CIBAR2: variants seen among roughly 807,000 people sequenced by gnomAD.
CIBAR2 encodes the protein CBY1-interacting BAR domain-containing protein 2.
In CIBAR2, 38 loss-of-function variants were observed where a neutral mutation model predicts 36.2. That is an observed-to-expected ratio of 1.05 (90% CI 0.81 to 1.38). The LOEUF (loss-of-function observed/expected upper bound fraction) is 1.38, where lower values mean the gene tolerates loss of function less well. CIBAR2 is among the 40% of genes most tolerant of loss of function. The pLI is 0.00. For missense variants in CIBAR2, 481 were observed against 383.4 expected (o/e 1.25, Z -2.13); for synonymous variants, 182 against 149.5 (o/e 1.22, Z -1.58).
intron 7 of CIBAR2, among the ~76,000 whole-genome samples, chr16:85,101,063 G>A (rs2144153318): frequency 6.6e-6 from 1 of 151,764 alleles, no homozygotes; most frequent in East Asian, 1.9e-4. Flanking sequence ...AAAAAAAATG[G>A]TGACACTCCC....
rs376548850 is a variant in CIBAR2 at position 85,107,883 on chromosome 16, T to C, written c.389A>G (p.Lys130Arg). 326 of 1,614,016 alleles carry C rather than the reference T, an allele frequency of 2.0e-4. No homozygotes were observed. Among genetic ancestry groups the C allele is most frequent in the Non-Finnish European group, 2.6e-4 (312 of 1,179,990 alleles). The change falls in exon 4 of 9, where the codon AAA (lysine) becomes AGA (arginine). Residue 130 changes from lysine (K) to arginine (R), a missense_variant. By Grantham distance (26) the Lys-to-Arg change is conservative. Transcript: ENST00000539556. The part of the protein sequence containing the change: ...HEIKQLEKLE[K>R]LRQKSPSDQQ... Reference sequence around the variant, plus strand: ...ATCCGAGGGTGACTTCTGCCTCAGTTTCTCCAGTTTTTCCAGTTGTTTGAT... The same window carrying C: ...ATCCGAGGGTGACTTCTGCCTCAGTCTCTCCAGTTTTTCCAGTTGTTTGAT...
intron 1 of CIBAR2, among the ~76,000 whole-genome samples, chr16:85,110,828 C>T (rs561706760): frequency 6.9e-4 from 105 of 151,610 alleles, no homozygotes; most frequent in Non-Finnish European, 1.0e-4. Flanking sequence ...CCTCAGCCTC[C>T]TGAGTAGGTG....
chr16:85,103,825 C>T (rs2073973767), intron 6 of CIBAR2, among the ~76,000 whole-genome samples: 1 of 152,222 alleles, frequency 6.6e-6, no homozygotes, highest in African/African-American at 2.4e-5. Context: ...GTGGCACTGA[C>T]ATGCAGTGTG....
intron 1 of CIBAR2, among the ~76,000 whole-genome samples, chr16:85,111,025 C>T (rs575411624): frequency 1.3e-5 from 2 of 152,190 alleles, no homozygotes; most frequent in African/African-American, 4.8e-5. Context: ...TTTAAGGGCT[C>T]CCAATCCGGC....
chr16:85,100,484 C>T (rs2073947005), intron 7 of CIBAR2, among the ~76,000 whole-genome samples: 1 of 152,152 alleles, frequency 6.6e-6, no homozygotes, highest in African/African-American at 2.4e-5. Context: ...ACATGACCAT[C>T]GTCACACAGG....
intron 2 of CIBAR2, among the ~76,000 whole-genome samples, chr16:85,108,877 A>T (rs1415381196): frequency 6.6e-6 from 1 of 152,206 alleles, no homozygotes; most frequent in African/African-American, 2.4e-5. Flanking sequence ...TCCATCTCAG[A>T]AAACAAAAAA....
rs1299315062 is a variant in CIBAR2, at chr16:85,099,332, G to T, written c.768C>A (p.Val256=). The part of the protein sequence containing the change: ...QSLASQGTLQ[V]QLSRANEDPE... Reference sequence around the variant, plus strand: ...GGTCTTCATTTGCCCTACTCAGCTGGACCTGCAGAGTTCCCTGCAGAAATA... The same window carrying T: ...GGTCTTCATTTGCCCTACTCAGCTGTACCTGCAGAGTTCCCTGCAGAAATA... Residue 256 remains valine (V), a synonymous_variant, in exon 9 of 9, where the codon GTC becomes GTA. Transcript: ENST00000539556. The T allele has an allele frequency of 7.6e-6, 12 of 1,572,334 alleles. No homozygotes were observed. Among genetic ancestry groups the T allele is most frequent in the Non-Finnish European group, 1.1e-5 (12 of 1,142,064 alleles).
chr16:85,107,547 T>G, intron 5 of CIBAR2, 120 bp downstream of exon 5: 1 of 1,134,768 alleles, frequency 8.8e-7, no homozygotes. Context: ...TTTCCCAACC[T>G]GAGCGCAAGG....
chr16:85,107,923 C>T lies in CIBAR2; in HGVS notation c.349G>A (p.Val117Ile), dbSNP rs778547884. ...TRAEIKKFKH[V>I]QNHEIKQLEK... ...AGTTGTTTGATCTCATGATTTTGGA[C>T]ATGTTTGAATTTCTTGATCTCAGCC... Residue 117 changes from valine to isoleucine, a missense_variant, in exon 4 of 9, where the codon GTC (valine) becomes ATC (isoleucine). Val to Ile is a conservative substitution (Grantham distance 29). Coordinates refer to ENST00000539556, the MANE Select transcript of CIBAR2 (RefSeq NM_198491.3). 3 of 1,614,162 alleles carry T rather than the reference C, an allele frequency of 1.9e-6. No individual in the cohort carries two copies. The highest frequency in any genetic ancestry group is 3.3e-4 in the Middle Eastern group (2 of 6,062).
At position 85,112,349 on chromosome 16, in the gene CIBAR2, T is replaced by G. The variant is rs1282650024; in HGVS notation, c.4A>C (p.Asn2His). The G allele has an allele frequency of 1.2e-6, 2 of 1,613,876 alleles. No homozygotes were observed. Among genetic ancestry groups the G allele is most frequent in the Non-Finnish European group, 1.7e-6 (2 of 1,179,964 alleles). The change falls in exon 1 of 9, where the codon AAC (asparagine) becomes CAC (histidine). Residue 2 changes from asparagine (N) to histidine (H), a missense_variant. Coordinates refer to ENST00000539556, the MANE Select transcript of CIBAR2 (RefSeq NM_198491.3). Reference sequence around the variant, plus strand: ...CCCACTCACCTGGAGAAGACGATGTTCATTGTGACCAGAGCTTTGGCTGTC... The same window carrying G: ...CCCACTCACCTGGAGAAGACGATGTGCATTGTGACCAGAGCTTTGGCTGTC... MNIVFSRDSQVR... is the reference protein window; with the variant it reads MHIVFSRDSQVR...
In CIBAR2 at chr16:85,111,340, T is replaced by C. The variant is rs72807619; in HGVS notation, c.21-880A>G. ...AAGCAAGGTGCTGCTGGTATCACCA[T>C]GTGAAAATGCAGTGAACTGAGGCCC... On this transcript the variant is annotated intron_variant, in intron 1 of 8. Transcript: ENST00000539556. 3.3e-3 allele frequency among the ~76,000 whole-genome samples: 508 copies of C among 152,274 alleles called. 4 individuals carry two copies. The highest frequency in any genetic ancestry group is 5.4e-3 in the Non-Finnish European group (369 of 68,024).
At position 85,100,139 on chromosome 16, in the gene CIBAR2, C is replaced by T. The variant is rs777107768; in HGVS notation, c.753G>A (p.Gln251=). The T allele has an allele frequency of 1.2e-6, 2 of 1,608,838 alleles. No individual in the cohort carries two copies. The highest frequency in any genetic ancestry group is 3.4e-5 in the Admixed American group (2 of 59,040). Residue 251 remains glutamine (Q), a splice_region_variant and synonymous_variant, in exon 8 of 9, where the codon CAG becomes CAA. Transcript: ENST00000539556. ...ACCCCTCACCCACCCACACGCTCACCTGGCTGGCGAGAGACTGAAGAACAG... is the reference window on the plus strand; with the variant it reads ...ACCCCTCACCCACCCACACGCTCACTTGGCTGGCGAGAGACTGAAGAACAG... ...PPSVLQSLAS[Q]GTLQVQLSRA...
At chr16:85,099,816 T>C (rs1302189182) in intron 8 of CIBAR2, among the ~76,000 whole-genome samples, 1 of 148,706 alleles carries the variant, frequency 6.7e-6, no homozygotes, top group African/African-American at 2.5e-5. Context: ...TTTTTTTTTT[T>C]TTTTTAGTAG....
chr16:85,109,724 C>G (rs1023380384), intron 2 of CIBAR2, among the ~76,000 whole-genome samples: 2 of 152,170 alleles, frequency 1.3e-5, no homozygotes, highest in African/African-American at 4.8e-5. Flanking sequence ...ATCTTAAACT[C>G]CTGGGCTCAG....
chr16:85,105,417 C>T lies in CIBAR2; in HGVS notation c.447G>A (p.Val149=). The change falls in exon 6 of 9, where the codon GTG becomes GTA. Residue 149 remains valine, a synonymous_variant. Transcript: ENST00000539556. ...GGCTGGAGTCCACAGCGGCCCTCTG[C>T]ACTCTGGTCTCTGCCTGGCCCCAGG... ...QQMISQAETR[V]QRAAVDSSRT... is the part of the protein sequence containing the mutation. 6.2e-7 allele frequency: 1 copy of T among 1,613,600 alleles called. No individual in the cohort carries two copies. Among genetic ancestry groups the T allele is most frequent in the Non-Finnish European group, 8.5e-7 (1 of 1,179,766 alleles).
rs781573741 is a variant in CIBAR2, at chr16:85,112,319, G to A, written c.20+14C>T. ...CCACCTCCCTCACAGCCAGGCTGGC[G>A]CTGGCCCACTCACCTGGAGAAGACG... On this transcript the variant is annotated intron_variant, in intron 1 of 8. Coordinates refer to ENST00000539556, the MANE Select transcript of CIBAR2 (RefSeq NM_198491.3). 16 of 1,613,412 alleles carry A rather than the reference G, an allele frequency of 9.9e-6. No homozygotes were observed. Among genetic ancestry groups the A allele is most frequent in the Admixed American group, 1.7e-5 (1 of 60,008 alleles).
chr16:85,099,388 G>A (rs373003869), intron 8 of CIBAR2, 42 bp from the exon 9 acceptor site: 99 of 1,118,568 alleles, frequency 8.9e-5, no homozygotes, highest in Non-Finnish European at 1.2e-4. Flanking sequence ...CCTTCCTGGG[G>A]CTGTAAGGTA....
rs555307363 is a variant in CIBAR2 at position 85,104,843 on chromosome 16, C to A, written c.537+484G>T. On this transcript the variant is annotated intron_variant, in intron 6 of 8. Transcript: ENST00000539556. ...TACCAAAAGACCCCGCCTCTCTGAG[C>A]TCCTTTTGTAAGAGCTGGGGCTCTG... is the stretch of plus-strand genomic sequence containing the variant. Among the ~76,000 whole-genome samples, 4 of 152,348 alleles carry A rather than the reference C, an allele frequency of 2.6e-5. No individual in the cohort carries two copies. The South Asian group carries it at 8.3e-4, about 32-fold the overall frequency.
chr16:85,108,467 C>T (rs1018873861), intron 2 of CIBAR2, among the ~76,000 whole-genome samples: 1 of 152,222 alleles, frequency 6.6e-6, no homozygotes, highest in African/African-American at 2.4e-5. Flanking sequence ...TGCTCAGTCT[C>T]TCTACACGAC....
Sources: allele counts gnomAD v4.1 joint callset (sites outside exome capture counted in the v4.1 genomes callset), GRCh38; gene constraint gnomAD v4.1.1; transcripts MANE v1.5; gene names NCBI Gene and HGNC (gene_info 2026-07-23, HGNC 2026-07-21).